The following PRKN variants were observed in gnomAD, a reference collection of about 807,000 sequenced individuals.
The protein encoded by PRKN is E3 ubiquitin-protein ligase parkin.
In PRKN, 56 loss-of-function variants were observed where a neutral mutation model predicts 59.5. The observed-to-expected ratio is 0.94, with a 90% CI of 0.76 to 1.18. The LOEUF (loss-of-function observed/expected upper bound fraction) is 1.18. Among genes scored for constraint, PRKN ranks in the 50% most tolerant of loss-of-function variants. PRKN has a pLI of 0.00. For missense variants in PRKN, 657 were observed against 596.4 expected (o/e 1.10, Z -1.06); for synonymous variants, 250 against 222.1 (o/e 1.13, Z -1.12).
intron 5 of PRKN, among the ~76,000 whole-genome samples, chr6:162,053,337 A>G (rs1777725749): frequency 6.6e-6 from 1 of 152,212 alleles, no homozygotes; most frequent in Non-Finnish European, 1.5e-5. Flanking sequence ...ACTAAGGCTG[A>G]CATTTGTGCT....
At position 161,820,076 on chromosome 6, in the gene PRKN, C is replaced by T. The variant is rs150122312; in HGVS notation, c.735-34168G>A. Among the ~76,000 whole-genome samples, 330 of 152,146 alleles carry T rather than the reference C, an allele frequency of 2.2e-3. 3 individuals carry two copies. The highest frequency in any genetic ancestry group is 7.5e-3 in the African/African-American group (311 of 41,524). On this transcript the variant is annotated intron_variant, in intron 6 of 11. Transcript: ENST00000366898. The stretch of plus-strand genomic sequence containing the variant: ...AAATAGGCCAGTGACATAAACGTAC[C>T]TATCCCAGTAAATGCTTGAAACTGT...
At chr6:162,380,433 GTATA>G (rs776880113) in intron 2 of PRKN, among the ~76,000 whole-genome samples, 5 of 121,520 alleles carry the variant, frequency 4.1e-5, no homozygotes, top group Admixed American at 3.3e-4. Context: ...ATATATGTGT[GTATA>G]TATATATATG....
chr6:162,727,751 T>G lies in PRKN; in HGVS notation c.-83A>C. 4 of 1,429,706 alleles carry G rather than the reference T, an allele frequency of 2.8e-6. No individual in the cohort carries two copies. The highest frequency in any genetic ancestry group is 1.2e-5 in the South Asian group (1 of 81,638). 88.6% of individuals were successfully genotyped at this position (1,429,706 alleles called of 1,614,324 possible). On this transcript the variant is annotated 5_prime_UTR_variant, in exon 1 of 12. Transcript: ENST00000366898. ...CAGCCGCGCCTCCCACCAGCGGCTC[T>G]CCTGGGTTAAATCCTCCAGGCCTCC...
intron 4 of PRKN, among the ~76,000 whole-genome samples, chr6:162,087,567 A>G (rs566893296): frequency 1.5e-3 from 221 of 150,614 alleles, no homozygotes; most frequent in African/African-American, 5.2e-3. Flanking sequence ...TGGAGGGCCT[A>G]CAGGTGCTTA....
rs1777865396 is a variant in PRKN, at chr6:161,499,152, T to C, written c.1083+49702A>G. Among the ~76,000 whole-genome samples the C allele has an allele frequency of 6.7e-6, 1 of 148,222 alleles. No individual in the cohort carries two copies. The highest frequency in any genetic ancestry group is 1.5e-5 in the Non-Finnish European group (1 of 67,280). ...CACACATTTTTTTTTTTTTTTTGGC[T>C]CACAGAGTGCTTGAAAAGAATCTAA... is the stretch of plus-strand genomic sequence containing the variant. On this transcript the variant is annotated intron_variant, in intron 9 of 11. Coordinates refer to ENST00000366898, the MANE Select transcript of PRKN (RefSeq NM_004562.3). This position sits in a 1 kb window ranked among gnomAD's most constrained non-coding sequence, Gnocchi z 4.2.
chr6:162,490,813 C>G (rs1185889437), intron 1 of PRKN, among the ~76,000 whole-genome samples: 1 of 152,174 alleles, frequency 6.6e-6, no homozygotes, highest in Non-Finnish European at 1.5e-5. Flanking sequence ...GACCTCAGCA[C>G]TGCCCTCACA....
Position 161,527,124 on chromosome 6 carries a change from ATCT to A in PRKN, c.1083+21727_1083+21729del, listed in dbSNP as rs1193203405. On this transcript the variant is annotated intron_variant, in intron 9 of 11. Transcript: ENST00000366898. This position sits in a 1 kb window ranked among gnomAD's most constrained non-coding sequence, Gnocchi z 4.6. ...CTCCAATCTTACCTCCTGTGATAAG[ATCT>A]TCTCTGTTTCATGAGATTCCTATGA... Among the ~76,000 whole-genome samples, 2 of 152,116 alleles carry A rather than the reference ATCT, an allele frequency of 1.3e-5. No homozygotes were observed. The highest frequency in any genetic ancestry group is 1.9e-4 in the East Asian group (1 of 5,188).
intron 1 of PRKN, among the ~76,000 whole-genome samples, chr6:162,681,960 C>G (rs181661431): frequency 1.3e-5 from 2 of 151,964 alleles, no homozygotes; most frequent in Admixed American, 6.6e-5. Flanking sequence ...CTCAAAATGC[C>G]AAGAACCTGG....
In PRKN at chr6:161,735,336, T is replaced by G. The variant is rs566406841; in HGVS notation, c.871+50436A>C. Among the ~76,000 whole-genome samples the G allele has an allele frequency of 2.6e-5, 4 of 152,188 alleles. 1 individual carries two copies. The South Asian group carries it at 8.3e-4, about 32-fold the overall frequency. Reference sequence around the variant, plus strand: ...AAGACGATAAGGATGAAGACCTTTATGATGATCCACTTCCACTTAATGAAG... The same window carrying G: ...AAGACGATAAGGATGAAGACCTTTAGGATGATCCACTTCCACTTAATGAAG... On this transcript the variant is annotated intron_variant, in intron 7 of 11. Transcript: ENST00000366898.
chr6:162,714,447 G>A (rs1017410834), intron 1 of PRKN, among the ~76,000 whole-genome samples: 5 of 151,966 alleles, frequency 3.3e-5, no homozygotes, highest in South Asian at 2.1e-4. Context: ...AAAACCCTTC[G>A]GAATAATTTA....
chr6:162,635,906 T>C (rs1357670451), intron 1 of PRKN, among the ~76,000 whole-genome samples: 1 of 152,070 alleles, frequency 6.6e-6, no homozygotes, highest in African/African-American at 2.4e-5. Flanking sequence ...GCACGAGGCA[T>C]GTTTGGAGAA....
chr6:162,445,358 T>C lies in PRKN; in HGVS notation c.8-1885A>G, dbSNP rs147355139. ...CAATCTAACTCTAAAGCTCATTCCA[T>C]TTCTACTAAAATAGGCTTCCTGAAA... is the stretch of plus-strand genomic sequence containing the variant. On this transcript the variant is annotated intron_variant, in intron 1 of 11. Transcript: ENST00000366898. 2.7e-3 allele frequency among the ~76,000 whole-genome samples: 416 copies of C among 152,232 alleles called. 2 individuals are homozygous for C. The highest frequency in any genetic ancestry group is 9.5e-3 in the African/African-American group (396 of 41,544).
At chr6:162,396,642 T>C (rs1345515144) in intron 2 of PRKN, among the ~76,000 whole-genome samples, 1 of 152,186 alleles carries the variant, frequency 6.6e-6, no homozygotes, top group African/African-American at 2.4e-5. Context: ...TTTTTTGTTG[T>C]TGTGTAAAGC....
At position 161,546,544 on chromosome 6, in the gene PRKN, G is replaced by A. The variant is rs1020487418; in HGVS notation, c.1083+2310C>T. On this transcript the variant is annotated intron_variant, in intron 9 of 11. Coordinates refer to ENST00000366898, the MANE Select transcript of PRKN (RefSeq NM_004562.3). The surrounding 1 kb of genome is among the most constrained non-coding windows in gnomAD (Gnocchi z 4.4). ...GAGACTGGGGCAAAAAGACAGGGAGGGAAAGGAAGGCATACAGTTCAGTGC... is the reference window on the plus strand; with the variant it reads ...GAGACTGGGGCAAAAAGACAGGGAGAGAAAGGAAGGCATACAGTTCAGTGC... Among the ~76,000 whole-genome samples the A allele has an allele frequency of 6.6e-6, 1 of 152,176 alleles. No homozygotes were observed. Among genetic ancestry groups the A allele is most frequent in the Non-Finnish European group, 1.5e-5 (1 of 68,034 alleles).
chr6:162,380,458 CACAT>C (rs1562716455), intron 2 of PRKN, among the ~76,000 whole-genome samples: 2 of 79,466 alleles, frequency 2.5e-5, no homozygotes, highest in Non-Finnish European at 4.3e-5. Flanking sequence ...TATATATACA[CACAT>C]ATATATGTGT....
intron 1 of PRKN, among the ~76,000 whole-genome samples, chr6:162,675,238 T>C (rs542215269): frequency 1.3e-5 from 2 of 151,820 alleles, no homozygotes; most frequent in Non-Finnish European, 2.9e-5. Flanking sequence ...TTAGTAGAGA[T>C]AGGGTTTCAC....
intron 9 of PRKN, among the ~76,000 whole-genome samples, chr6:161,541,122 C>A (rs1023942517): frequency 2.0e-5 from 3 of 152,218 alleles, no homozygotes; most frequent in Non-Finnish European, 4.4e-5. Context: ...CTTTTCCAGA[C>A]TGGAACTGTC....
intron 4 of PRKN, among the ~76,000 whole-genome samples, chr6:162,156,605 G>A (rs1782525899): frequency 6.6e-6 from 1 of 152,170 alleles, no homozygotes; most frequent in South Asian, 2.1e-4. Context: ...ATTTTCTGCT[G>A]CTGCTTTATT....
chr6:162,366,872 C>G (rs1449360292), intron 2 of PRKN, among the ~76,000 whole-genome samples: 1 of 152,048 alleles, frequency 6.6e-6, no homozygotes, highest in African/African-American at 2.4e-5. Flanking sequence ...CCATGCCAGC[C>G]TGGGCAACAA....
Sources: gnomAD v4.1 joint callset for allele counts (sites outside exome capture counted in the v4.1 genomes callset) on GRCh38, gnomAD v4.1.1 for gene constraint, Gnocchi (gnomAD v3.1) non-coding constraint, MANE v1.5 for transcripts, NCBI Gene and HGNC (gene_info 2026-07-23, HGNC 2026-07-21) for gene names.